Variants in GFRA2 observed in about 807,000 individuals in gnomAD.
GFRA2 encodes GDNF family receptor alpha-2.
In GFRA2, 17 loss-of-function variants were observed where a neutral mutation model predicts 48.3. The observed-to-expected ratio is 0.35, with a 90% confidence interval of 0.24 to 0.53. The LOEUF (loss-of-function observed/expected upper bound fraction) is 0.53. Ranked by LOEUF, GFRA2 falls within the 20% of genes least tolerant of loss-of-function variation. The probability of loss-of-function intolerance (pLI) is 0.93; values close to 1 mark genes in which losing one functional copy is unlikely to be tolerated. For missense variants in GFRA2, 660 were observed against 637.3 expected (o/e 1.04, Z -0.38); for synonymous variants, 305 against 257.2 (o/e 1.19, Z -1.78).
intron 4 of GFRA2, chr8:21,706,326 C>T (rs1802745622): frequency 1.8e-6 from 1 of 554,360 alleles, no homozygotes; most frequent in Non-Finnish European, 3.4e-6. Context: ...AAACAGCCTG[C>T]TCTAAATGGC....
chr8:21,704,404 G>A (rs1475559569), intron 6 of GFRA2, among the ~76,000 whole-genome samples: 3 of 152,172 alleles, frequency 2.0e-5, no homozygotes, highest in Non-Finnish European at 4.4e-5. Flanking sequence ...CCTCCTCGAT[G>A]ACTTGGATCC....
intron 4 of GFRA2, among the ~76,000 whole-genome samples, chr8:21,708,791 A>T (rs1802876043): frequency 1.3e-5 from 2 of 152,218 alleles, no homozygotes. Context: ...AAGGCATGCA[A>T]CAGACTCCCT....
chr8:21,712,878 A>G (rs1803127780), intron 4 of GFRA2, among the ~76,000 whole-genome samples: 1 of 152,140 alleles, frequency 6.6e-6, no homozygotes, highest in African/African-American at 2.4e-5. Flanking sequence ...GTGGCGGTGC[A>G]CGCCTGCAAT....
At position 21,794,336 on chromosome 8, in the gene GFRA2, C is replaced by T. The variant is rs1242339720; in HGVS notation, c.-35-6142G>A. Among the ~76,000 whole-genome samples, 13 of 148,992 alleles carry T rather than the reference C, an allele frequency of 8.7e-5. No individual in the cohort carries two copies. The East Asian group carries it at 2.2e-3, about 25-fold the overall frequency. On this transcript the variant is annotated intron_variant, in intron 2 of 10. Transcript: ENST00000517328. Reference sequence around the variant, plus strand: ...CGTGATCTTGGCTTACCACAATCTCCGCCTCCCATGTTCAAGTGATTGGCC... The same window carrying T: ...CGTGATCTTGGCTTACCACAATCTCTGCCTCCCATGTTCAAGTGATTGGCC...
At chr8:21,807,890 A>G (rs574611869) in intron 1 of GFRA2, among the ~76,000 whole-genome samples, 58 of 152,386 alleles carry the variant, frequency 3.8e-4, no homozygotes, top group Middle Eastern at 6.8e-3. Flanking sequence ...TGCTAGAAGC[A>G]TAAAATGAGA....
At position 21,700,391 on chromosome 8, in the gene GFRA2, G is replaced by C. The variant is rs552361002; in HGVS notation, c.1218+2414C>G. On this transcript the variant is annotated intron_variant, in intron 7 of 8. Coordinates refer to ENST00000524240, the MANE Select transcript of GFRA2 (RefSeq NM_001495.5). The stretch of plus-strand genomic sequence containing the variant: ...AGACACTTCTGAGAGTAGGACCTAA[G>C]ACATCGGCCACAGGGCCAACTGGGA... 4.6e-5 allele frequency among the ~76,000 whole-genome samples: 7 copies of C among 152,322 alleles called. No homozygotes were observed. The South Asian group carries it at 8.3e-4, about 18-fold the overall frequency.
chr8:21,754,732 C>T (rs1334442405), intron 3 of GFRA2, among the ~76,000 whole-genome samples: 1 of 152,080 alleles, frequency 6.6e-6, no homozygotes, highest in Non-Finnish European at 1.5e-5. Flanking sequence ...TGGTCTCAAA[C>T]TCATGACCTC....
At chr8:21,747,489 A>C (rs1055121318) in intron 4 of GFRA2, among the ~76,000 whole-genome samples, 8 of 151,870 alleles carry the variant, frequency 5.3e-5, no homozygotes, top group Non-Finnish European at 2.9e-5. Context: ...AAAGAGAAAA[A>C]CCCACCTTCT....
intron 3 of GFRA2, among the ~76,000 whole-genome samples, chr8:21,772,729 G>A (rs1334003678): frequency 1.3e-5 from 2 of 152,190 alleles, no homozygotes; most frequent in Non-Finnish European, 2.9e-5. Context: ...GGGCTGATTC[G>A]GTGAGCTGCA....
chr8:21,789,118 TGGC>T (rs1197496542), upstream of GFRA2: 44 of 167,000 alleles, frequency 2.6e-4, no homozygotes, highest in South Asian at 6.6e-4. Context: ...GCGGTGGCGG[TGGC>T]GGCGGCGGCG....
At chr8:21,779,579 T>G (rs1380958733) in intron 2 of GFRA2, 1 of 152,108 alleles carries the variant, frequency 6.6e-6, no homozygotes, top group Admixed American at 6.5e-5. Context: ...CTTTAATTAT[T>G]TGTACGCTAC....
intron 3 of GFRA2, among the ~76,000 whole-genome samples, chr8:21,757,239 C>T (rs1047543529): frequency 6.6e-6 from 1 of 152,304 alleles, no homozygotes; most frequent in Non-Finnish European, 1.5e-5. Flanking sequence ...CAGCCACACC[C>T]AGCCCAGCCT....
chr8:21,768,713 G>A (rs1005985423), intron 3 of GFRA2, among the ~76,000 whole-genome samples: 5 of 152,062 alleles, frequency 3.3e-5, no homozygotes, highest in African/African-American at 1.2e-4. Flanking sequence ...TGACTTTTGA[G>A]CCCAGGGATA....
chr8:21,714,193 T>C (rs529881893), intron 4 of GFRA2, among the ~76,000 whole-genome samples: 1 of 145,178 alleles, frequency 6.9e-6, no homozygotes, highest in African/African-American at 2.7e-5. Flanking sequence ...TAGAATAATA[T>C]TGGGGATCCC....
At chr8:21,789,949 TG>T, upstream of GFRA2, 1 of 449,754 alleles carries the variant, frequency 2.2e-6, no homozygotes. Flanking sequence ...CGCAGCCGGC[TG>T]GGCTCCGAGG....
At chr8:21,811,956 G>T (rs1807989169) in intron 1 of GFRA2, among the ~76,000 whole-genome samples, 1 of 152,054 alleles carries the variant, frequency 6.6e-6, no homozygotes, top group Admixed American at 6.5e-5. Flanking sequence ...TGTGCCCTTT[G>T]ATTACTTCAC....
intron 4 of GFRA2, among the ~76,000 whole-genome samples, chr8:21,707,223 G>A (rs1802792743): frequency 6.6e-6 from 1 of 152,152 alleles, no homozygotes; most frequent in Non-Finnish European, 1.5e-5. Flanking sequence ...CAGAACCCAG[G>A]TCACCCAAAT....
At position 21,788,616 on chromosome 8, in the gene GFRA2, GAA is replaced by G; in HGVS notation, c.-459_-458del. On this transcript the variant is annotated 5_prime_UTR_variant, in exon 1 of 9. Transcript: ENST00000524240. ...AGGGGGTCGGAATAAAATGCAAATA[GAA>G]AAGAAATCCACAGACGGGTGTCAGC... 2 of 989,804 alleles carry G rather than the reference GAA, an allele frequency of 2.0e-6. No individual in the cohort carries two copies. Among genetic ancestry groups the G allele is most frequent in the Non-Finnish European group, 2.4e-6 (2 of 833,036 alleles). The allele number at this position is 989,804 out of a possible 1,614,324, so 61.3% of individuals were successfully genotyped here.
upstream of GFRA2, among the ~76,000 whole-genome samples, chr8:21,791,023 A>G (rs1311113595): frequency 6.6e-6 from 1 of 151,874 alleles, no homozygotes; most frequent in African/African-American, 2.4e-5. Context: ...ACCACCACCC[A>G]TTTCGGAATC....
Sources: gnomAD v4.1 joint callset for allele counts (sites outside exome capture counted in the v4.1 genomes callset) on GRCh38, gnomAD v4.1.1 for gene constraint, MANE v1.5 for transcripts, NCBI Gene and HGNC (gene_info 2026-07-23, HGNC 2026-07-21) for gene names.